The following ACTR2 variants were observed in gnomAD, a reference collection of about 807,000 sequenced individuals.
ACTR2 encodes actin-related protein 2.
Under a neutral mutation model 50.2 loss-of-function variants are expected in ACTR2, and 5 were observed. The observed-to-expected ratio is 0.10, with a 90% CI of 0.05 to 0.21. ACTR2 has a LOEUF of 0.21. Among genes scored for constraint, ACTR2 ranks in the 10% least tolerant of loss-of-function variants. The probability of loss-of-function intolerance (pLI) is 1.00; values close to 1 mark genes in which losing one functional copy is unlikely to be tolerated. For missense variants in ACTR2, 180 were observed against 480.6 expected (o/e 0.37, Z 5.85); for synonymous variants, 140 against 162.9 (o/e 0.86, Z 1.07).
intron 3 of ACTR2, among the ~76,000 whole-genome samples, chr2:65,249,800 G>T (rs568902374): frequency 8.7e-4 from 133 of 152,246 alleles, no homozygotes; most frequent in African/African-American, 3.1e-3. Flanking sequence ...CCTCCTTCCA[G>T]GGTAGTTCAT....
intron 1 of ACTR2, among the ~76,000 whole-genome samples, chr2:65,233,031 G>A (rs1297866485): frequency 2.0e-5 from 3 of 146,872 alleles, no homozygotes; most frequent in Non-Finnish European, 3.0e-5. Context: ...GTCTTGCTCC[G>A]TTGCCCAGGC....
chr2:65,248,994 CAG>C (rs1573158163), intron 3 of ACTR2, among the ~76,000 whole-genome samples: 1 of 151,112 alleles, frequency 6.6e-6, no homozygotes, highest in East Asian at 1.9e-4. Context: ...ACCTGAGCGA[CAG>C]AGCGAGACTC....
intron 2 of ACTR2, among the ~76,000 whole-genome samples, chr2:65,240,841 A>G (rs1671828551): frequency 6.6e-6 from 1 of 152,154 alleles, no homozygotes. Context: ...GTTATGAGTC[A>G]TTTGAAATAT....
chr2:65,254,609 GA>G (rs1672113980), intron 5 of ACTR2, among the ~76,000 whole-genome samples: 1 of 152,132 alleles, frequency 6.6e-6, no homozygotes, highest in South Asian at 2.1e-4. Context: ...TCCTCTGGGG[GA>G]TATTAGCAAT....
chr2:65,258,594 C>T (rs537752222), intron 6 of ACTR2, among the ~76,000 whole-genome samples: 2 of 151,992 alleles, frequency 1.3e-5, no homozygotes, highest in Admixed American at 1.3e-4. Context: ...GTCTCAAAAA[C>T]AAAACAAAAT....
At chr2:65,251,188 T>A (rs1672042515) in intron 4 of ACTR2, 89 bp downstream of exon 4, 1 of 832,624 alleles carries the variant, frequency 1.2e-6, no homozygotes, top group East Asian at 2.7e-5. Flanking sequence ...CTCAATAAGT[T>A]ATAAGCCCCA....
chr2:65,270,457 C>G lies in ACTR2; in HGVS notation c.*1723C>G, dbSNP rs1326407366. The G allele has an allele frequency of 1.3e-5, 2 of 152,614 alleles. No homozygotes were observed. The highest frequency in any genetic ancestry group is 6.5e-5 in the Admixed American group (1 of 15,288). 9.5% of individuals were successfully genotyped at this position (152,614 alleles called of 1,614,324 possible). On this transcript the variant is annotated 3_prime_UTR_variant, in exon 9 of 9. Transcript: ENST00000260641. ...GAACCCTGAATAGCCCGTACTAGAT[C>G]TTGGGAACATGGATCTTAGAGTCAC... is the stretch of plus-strand genomic sequence containing the variant.
chr2:65,239,783 C>A, intron 1 of ACTR2, 69 bp from the exon 2 acceptor site: 1 of 977,026 alleles, frequency 1.0e-6, no homozygotes, highest in Non-Finnish European at 1.6e-6. Context: ...TGATATTTTT[C>A]AGATGCTGTC....
At chr2:65,264,505 T>C (rs1414736183) in intron 7 of ACTR2, among the ~76,000 whole-genome samples, 2 of 152,164 alleles carry the variant, frequency 1.3e-5, no homozygotes, top group African/African-American at 4.8e-5. Context: ...GATATCAGAA[T>C]AGAGGGTACT....
chr2:65,242,100 A>T (rs752988253), intron 2 of ACTR2: 1 of 1,509,670 alleles, frequency 6.6e-7, no homozygotes. Context: ...TTTGTTTTCC[A>T]CTTTTGCTTG....
intron 6 of ACTR2, among the ~76,000 whole-genome samples, chr2:65,259,008 T>C (rs1672209218): frequency 6.6e-6 from 1 of 152,096 alleles, no homozygotes; most frequent in Non-Finnish European, 1.5e-5. Flanking sequence ...TTCCTCACTC[T>C]GTTGCTCAGG....
intron 7 of ACTR2, 117 bp from the exon 8 acceptor site, chr2:65,264,926 A>G: frequency 8.7e-7 from 1 of 1,143,252 alleles, no homozygotes; most frequent in Non-Finnish European, 1.3e-6. Context: ...TGTGATTTAC[A>G]TGTGGAATTT....
intron 3 of ACTR2, among the ~76,000 whole-genome samples, chr2:65,247,398 C>G (rs1671958917): frequency 6.6e-6 from 1 of 152,006 alleles, no homozygotes; most frequent in African/African-American, 2.4e-5. Flanking sequence ...ACCATCCTGG[C>G]TAACACAGTG....
chr2:65,242,153 AGGG>A, intron 2 of ACTR2: 1 of 891,014 alleles, frequency 1.1e-6, no homozygotes, highest in Non-Finnish European at 1.8e-6. Flanking sequence ...AGTATTGGGG[AGGG>A]GGGGTTATTT....
Position 65,251,009 on chromosome 2 carries a change from TTC to T in ACTR2, c.376-16_376-15del, listed in dbSNP as rs1213200161. 1 of 1,568,456 alleles carries T rather than the reference TTC, an allele frequency of 6.4e-7. No individual in the cohort carries two copies. The highest frequency in any genetic ancestry group is 2.3e-5 in the East Asian group (1 of 43,762). On this transcript the variant is annotated splice_polypyrimidine_tract_variant and intron_variant, in intron 3 of 8. Coordinates refer to ENST00000260641, the MANE Select transcript of ACTR2 (RefSeq NM_005722.4). Reference sequence around the variant, plus strand: ...ATTTTCTAAATACCAGTTTTTTTCTTTCTGTCTGCATTTACAGGTAATGTTTG... The same window carrying T: ...ATTTTCTAAATACCAGTTTTTTTCTTTGTCTGCATTTACAGGTAATGTTTG...
intron 2 of ACTR2, among the ~76,000 whole-genome samples, 166 bp downstream of exon 2, chr2:65,240,128 A>T (rs1457381554): frequency 1.3e-5 from 2 of 152,248 alleles, no homozygotes; most frequent in Non-Finnish European, 2.9e-5. Context: ...GAACAGGGGC[A>T]CAAAAATTGA....
chr2:65,251,045 C>A lies in ACTR2; in HGVS notation c.394C>A (p.Gln132Lys), dbSNP rs1477006631. 2.5e-6 allele frequency: 4 copies of A among 1,603,714 alleles called. No individual in the cohort carries two copies. Among genetic ancestry groups the A allele is most frequent in the Non-Finnish European group, 3.4e-6 (4 of 1,175,358 alleles). The change falls in exon 4 of 9, where the codon CAG (glutamine) becomes AAG (lysine). Residue 132 changes from glutamine to lysine, a missense_variant. Physicochemically the swap from Gln to Lys is moderately conservative, Grantham distance 53. Transcript: ENST00000260641. Reference protein sequence around the residue: ...KIVEVMFETYQFSGVYVAIQA... With the variant: ...KIVEVMFETYKFSGVYVAIQA... ...TTTACAGGTAATGTTTGAAACTTAC[C>A]AGTTTTCCGGTGTATATGTAGCCAT...
intron 3 of ACTR2, among the ~76,000 whole-genome samples, chr2:65,249,050 A>G (rs547612149): frequency 3.3e-5 from 5 of 152,306 alleles, no homozygotes; most frequent in African/African-American, 1.2e-4. Context: ...AGTTAATGAA[A>G]TAATGAAATA....
chr2:65,265,649 G>C (rs993634669), intron 8 of ACTR2, among the ~76,000 whole-genome samples: 1 of 152,192 alleles, frequency 6.6e-6, no homozygotes, highest in Non-Finnish European at 1.5e-5. Context: ...GCATTCCGGT[G>C]ACTGTCATAA....
Sources: gnomAD v4.1 joint callset for allele counts (sites outside exome capture counted in the v4.1 genomes callset) on GRCh38, gnomAD v4.1.1 for gene constraint, MANE v1.5 for transcripts, NCBI Gene and HGNC (gene_info 2026-07-23, HGNC 2026-07-21) for gene names.